PPP1R3F: variants seen among roughly 807,000 people sequenced by gnomAD.
The protein encoded by PPP1R3F is protein phosphatase 1 regulatory subunit 3F.
In PPP1R3F, 29 loss-of-function variants were observed where a neutral mutation model predicts 24.2. The observed-to-expected ratio is 1.20, with a 90% CI of 0.89 to 1.63. The LOEUF is 1.63. PPP1R3F is among the 40% of genes most tolerant of loss of function. The pLI is 0.00. For synonymous variants in PPP1R3F, 363 were observed against 340.1 expected, an observed-to-expected ratio of 1.07 and a Z score of -0.74; for missense variants, 823 against 729.3, an observed-to-expected ratio of 1.13 and a Z score of -1.48.
chrX:49,276,369 G>C (rs1557120013), intron 1 of PPP1R3F, among the ~76,000 whole-genome samples: 1 of 112,359 alleles, frequency 8.9e-6, no homozygotes, highest in Non-Finnish European at 1.9e-5. Flanking sequence ...TTAGAGATGA[G>C]GTAACTGAGG....
intron 3 of PPP1R3F, among the ~76,000 whole-genome samples, chrX:49,294,944 GT>G (rs375519163): frequency 1.2e-3 from 107 of 92,944 alleles, no homozygotes; most frequent in Non-Finnish European, 1.2e-3. Flanking sequence ...TAAGCTGTAG[GT>G]TTTTTTTTTT....
At position 49,269,826 on chromosome X, in the gene PPP1R3F, CCGGTCCCGCCGCCGGTGCCGT is replaced by C. The variant is rs1281665669; in HGVS notation, c.-39_-19del. The C allele has an allele frequency of 9.6e-6, 8 of 837,234 alleles. No individual in the cohort carries two copies. The highest frequency in any genetic ancestry group is 5.6e-5 in the East Asian group (1 of 17,709). 69.0% of individuals were successfully genotyped at this position (837,234 alleles called of 1,213,427 possible). On this transcript the variant is annotated 5_prime_UTR_variant, in exon 1 of 4. Coordinates refer to ENST00000055335, the MANE Select transcript of PPP1R3F (RefSeq NM_033215.5). ...CCCGCCCCTTCAGGCCCTGCCCCCG[CCGGTCCCGCCGCCGGTGCCGT>C]CGGTGCCGCCGCCGCCGCCGATATG...
intron 1 of PPP1R3F, 48 bp from the exon 2 acceptor site, chrX:49,281,358 C>A: frequency 9.4e-7 from 1 of 1,064,054 alleles, no homozygotes; most frequent in South Asian, 2.1e-5. Flanking sequence ...GCAGAAGTGA[C>A]CTCTCAGGGT....
rs1557118573 is a variant in PPP1R3F, at chrX:49,269,961, C to T, written c.92C>T (p.Ala31Val). ...GAGCCCCGCACCTCGGTCGAGGCGG[C>T]GGTGGCCCCGCGGAGGGTGCTGTTC... Reference protein sequence around the residue: ...AGEPRTSVEAAVAPRRVLFAD... With the variant: ...AGEPRTSVEAVVAPRRVLFAD... Residue 31 changes from alanine to valine, a missense_variant, in exon 1 of 4, where the codon GCG (alanine) becomes GTG (valine). By Grantham distance (64) the Ala-to-Val change is moderately conservative (BLOSUM62 0). Transcript: ENST00000055335. 2.2e-6 allele frequency: 2 copies of T among 904,924 alleles called. No homozygotes were observed. Among genetic ancestry groups the T allele is most frequent in the East Asian group, 9.7e-5 (2 of 20,650 alleles). 74.6% of individuals were successfully genotyped at this position (904,924 alleles called of 1,213,427 possible).
chrX:49,285,999 C>T lies in PPP1R3F; in HGVS notation c.1309C>T (p.Pro437Ser). 3 of 1,189,169 alleles carry T rather than the reference C, an allele frequency of 2.5e-6. No homozygotes were observed. The highest frequency in any genetic ancestry group is 3.0e-5 in the East Asian group (1 of 33,416). ...CTCCCCCAGAGACCAGGCCTCAGGG[C>T]CCGATGCGAGCGAGGGGGCCACCGG... ...GGSPRDQASGPDASEGATGPF... is the reference protein window; with the variant it reads ...GGSPRDQASGSDASEGATGPF... Residue 437 changes from proline (P) to serine (S), a missense_variant, in exon 4 of 4, where the codon CCC (proline) becomes TCC (serine). Coordinates refer to ENST00000055335, the MANE Select transcript of PPP1R3F (RefSeq NM_033215.5).
chrX:49,282,126 G>A (rs1245923501), intron 3 of PPP1R3F, 63 bp downstream of exon 3: 5 of 926,392 alleles, frequency 5.4e-6, no homozygotes, highest in Non-Finnish European at 7.7e-6. Flanking sequence ...TGTGACTATT[G>A]CTGGGCTGGG....
At position 49,281,389 on chromosome X, in the gene PPP1R3F, T is replaced by G. The variant is rs782360541; in HGVS notation, c.1005-17T>G. On this transcript the variant is annotated splice_polypyrimidine_tract_variant and intron_variant, in intron 1 of 3. Transcript: ENST00000055335. ...AGGGTATTATTAGATCCATGTACTC[T>G]CTCCTCTGCCCTGCAGGCCTGCCGA... 1.7e-6 allele frequency: 2 copies of G among 1,191,752 alleles called. No individual in the cohort carries two copies. The highest frequency in any genetic ancestry group is 4.6e-4 in the Middle Eastern group (2 of 4,309).
At chrX:49,295,447 T>C (rs1174631907) in intron 3 of PPP1R3F, among the ~76,000 whole-genome samples, 2 of 112,133 alleles carry the variant, frequency 1.8e-5, no homozygotes, top group Non-Finnish European at 3.8e-5. Context: ...CCCGGTCACA[T>C]TGATTGATTT....
chrX:49,296,312 T>C (rs907819810), intron 3 of PPP1R3F, among the ~76,000 whole-genome samples: 1 of 112,317 alleles, frequency 8.9e-6, no homozygotes, highest in Non-Finnish European at 1.9e-5. Flanking sequence ...TGTAGAGGTA[T>C]GTATAGTATT....
Position 49,281,881 on chromosome X carries a change from A to G in PPP1R3F, c.1061-100A>G, listed in dbSNP as rs2066251024. The G allele has an allele frequency of 2.7e-5, 16 of 599,478 alleles. No individual in the cohort carries two copies. In the Admixed American group the frequency reaches 4.5e-4, roughly 17 times the overall value. 49.4% of individuals were successfully genotyped at this position (599,478 alleles called of 1,213,427 possible). The stretch of plus-strand genomic sequence containing the variant: ...TTTAGATTGTCACAGAAAGCTTCAG[A>G]GGCAAAACTGCCAGTTGGCTAGGAT... On this transcript the variant is annotated intron_variant, in intron 2 of 3. Transcript: ENST00000055335.
At position 49,269,861 on chromosome X, in the gene PPP1R3F, G is replaced by A. The variant is rs1557118531; in HGVS notation, c.-9G>A. 5 of 886,611 alleles carry A rather than the reference G, an allele frequency of 5.6e-6. No homozygotes were observed. In the Admixed American group the frequency reaches 1.9e-4, roughly 34 times the overall value. The allele number at this position is 886,611 out of a possible 1,213,427, so 73.1% of individuals were successfully genotyped here. A position where few individuals can be genotyped will look rare whatever the true frequency, so the allele number is the denominator to read the frequency against. On this transcript the variant is annotated 5_prime_UTR_variant, in exon 1 of 4. Transcript: ENST00000055335. ...CGCCGGTGCCGTCGGTGCCGCCGCCGCCGCCGATATGGCGCGTACGGCCCC... is the reference window on the plus strand; with the variant it reads ...CGCCGGTGCCGTCGGTGCCGCCGCCACCGCCGATATGGCGCGTACGGCCCC...
intron 3 of PPP1R3F, 72 bp from the exon 4 acceptor site, chrX:49,285,762 G>T: frequency 9.7e-7 from 1 of 1,034,202 alleles, no homozygotes; most frequent in Non-Finnish European, 1.3e-6. Context: ...TACTGTCTCT[G>T]CTTGTTCCAT....
At chrX:49,299,336 A>C (rs2066331276) in intron 3 of PPP1R3F, among the ~76,000 whole-genome samples, 1 of 112,191 alleles carries the variant, frequency 8.9e-6, no homozygotes, top group African/African-American at 3.2e-5. Flanking sequence ...TCACCAGCAG[A>C]GGCTGCAGAA....
chrX:49,270,394 C>G lies in PPP1R3F; in HGVS notation c.525C>G (p.Phe175Leu). 1.0e-5 allele frequency: 12 copies of G among 1,168,512 alleles called. No individual in the cohort carries two copies. Among genetic ancestry groups the G allele is most frequent in the African/African-American group, 1.8e-5 (1 of 57,011 alleles). ...RGLVRVLNRS[F>L]EKAVHVRASH... ...TGGTACGCGTGCTGAACCGCTCCTT[C>G]GAGAAGGCGGTGCACGTGCGGGCCT... is the stretch of plus-strand genomic sequence containing the variant. The change falls in exon 1 of 4, where the codon TTC becomes TTG. Residue 175 changes from phenylalanine to leucine, a missense_variant. Coordinates refer to ENST00000055335, the MANE Select transcript of PPP1R3F (RefSeq NM_033215.5).
At chrX:49,295,949 C>T (rs1557122788) in intron 3 of PPP1R3F, among the ~76,000 whole-genome samples, 1 of 111,300 alleles carries the variant, frequency 9.0e-6, no homozygotes, top group Non-Finnish European at 1.9e-5. Flanking sequence ...CCCAATGATA[C>T]ATGAGGTATC....
intron 1 of PPP1R3F, 72 bp from the exon 2 acceptor site, chrX:49,281,334 G>A: frequency 2.5e-6 from 2 of 790,368 alleles, no homozygotes; most frequent in East Asian, 3.4e-5. Context: ...AGGCTCAGAA[G>A]GTGCCAGTGG....
At chrX:49,282,598 C>T (rs1267807114) in intron 3 of PPP1R3F, among the ~76,000 whole-genome samples, 7 of 107,759 alleles carry the variant, frequency 6.5e-5, no homozygotes, top group African/African-American at 1.0e-4. Flanking sequence ...GAGTGAGCCA[C>T]GTGGATAACT....
chrX:49,270,785 C>T lies in PPP1R3F; in HGVS notation c.916C>T (p.Pro306Ser). The change falls in exon 1 of 4, where the codon CCG becomes TCG. Residue 306 changes from proline to serine, a missense_variant. By Grantham distance (74) the Pro-to-Ser change is moderately conservative. Transcript: ENST00000055335. The part of the protein sequence containing the change: ...AEGLPQQQQL[P>S]QLEPQPECQG... The stretch of plus-strand genomic sequence containing the variant: ...AGGGCTGCCCCAGCAGCAGCAGCTG[C>T]CGCAGCTGGAGCCACAGCCCGAGTG... 8.4e-7 allele frequency: 1 copy of T among 1,195,203 alleles called. No individual in the cohort carries two copies. The highest frequency in any genetic ancestry group is 1.8e-5 in the South Asian group (1 of 54,849).
In PPP1R3F at chrX:49,286,730, G is replaced by A; in HGVS notation, c.2040G>A (p.Glu680=). Residue 680 remains glutamate (E), a synonymous_variant, in exon 4 of 4, where the codon GAG becomes GAA. Coordinates refer to ENST00000055335, the MANE Select transcript of PPP1R3F (RefSeq NM_033215.5). ...GTEAQIEVTS[E]WAGSLDPISG... is the part of the protein sequence containing the mutation. ...AAGCCCAGATAGAGGTCACCAGTGA[G>A]TGGGCAGGCAGCTTGGATCCCATAT... 1 of 1,206,643 alleles carries A rather than the reference G, an allele frequency of 8.3e-7. No homozygotes were observed. The highest frequency in any genetic ancestry group is 1.1e-6 in the Non-Finnish European group (1 of 892,489).
Sources: allele counts gnomAD v4.1 joint callset (sites outside exome capture counted in the v4.1 genomes callset), GRCh38; gene constraint gnomAD v4.1.1; transcripts MANE v1.5; gene names NCBI Gene and HGNC (gene_info 2026-07-23, HGNC 2026-07-21).